The following SLC7A8 variants were observed in gnomAD, a reference collection of about 807,000 sequenced individuals.
SLC7A8 encodes solute carrier family 7 member 8.
In SLC7A8, 30 loss-of-function variants were observed where a neutral mutation model predicts 51.2. The ratio of observed to expected loss-of-function variants is 0.59; its 90% CI spans 0.44 to 0.80. The LOEUF (loss-of-function observed/expected upper bound fraction) is 0.80, where lower values mean the gene tolerates loss of function less well. Among genes scored for constraint, SLC7A8 ranks in the 30% least tolerant of loss-of-function variants. The probability of loss-of-function intolerance (pLI) is 0.00; values close to 1 mark genes in which losing one functional copy is unlikely to be tolerated. For synonymous variants in SLC7A8, 257 were observed against 275.8 expected, an observed-to-expected ratio of 0.93 and a Z score of 0.67; for missense variants, 612 against 674.4, an observed-to-expected ratio of 0.91 and a Z score of 1.03.
At position 23,165,580 on chromosome 14, in the gene SLC7A8, C is replaced by G. The variant is rs78386065; in HGVS notation, c.357-144G>C. 2.7e-6 allele frequency: 2 copies of G among 741,254 alleles called. No individual in the cohort carries two copies. Among genetic ancestry groups the G allele is most frequent in the East Asian group, 3.3e-5 (1 of 30,500 alleles). 45.9% of individuals were successfully genotyped at this position (741,254 alleles called of 1,614,324 possible). On this transcript the variant is annotated intron_variant, in intron 2 of 10. Coordinates refer to ENST00000316902, the MANE Select transcript of SLC7A8 (RefSeq NM_012244.4). This position sits in a 1 kb window ranked among gnomAD's most constrained non-coding sequence, Gnocchi z 4.2. ...TCTGCCCCCACCCACAAATGAGACA[C>G]CCAGCCCTCTGCAGTGACAATAAAA...
intron 3 of SLC7A8, among the ~76,000 whole-genome samples, chr14:23,146,385 C>G (rs1459402948): frequency 2.0e-5 from 3 of 152,080 alleles, no homozygotes; most frequent in Admixed American, 1.3e-4. Context: ...TCCTCCTCCC[C>G]CAAGCAGACC....
intron 5 of SLC7A8, 75 bp downstream of exon 5, chr14:23,140,396 A>T: frequency 6.8e-7 from 1 of 1,479,564 alleles, no homozygotes. Flanking sequence ...GGCAATGGAC[A>T]CCTGCTCCCT....
chr14:23,169,339 A>G (rs1208961689), intron 1 of SLC7A8, among the ~76,000 whole-genome samples: 1 of 152,166 alleles, frequency 6.6e-6, no homozygotes, highest in Non-Finnish European at 1.5e-5. Flanking sequence ...GTGACAGAGC[A>G]AGACCCTGTC....
intron 1 of SLC7A8, among the ~76,000 whole-genome samples, chr14:23,176,320 T>A (rs1024703898): frequency 2.0e-5 from 3 of 152,180 alleles, no homozygotes; most frequent in Admixed American, 2.0e-4. Context: ...ACCCTTAAAA[T>A]TTTTTCCCCC....
chr14:23,167,582 A>G (rs1594839037), intron 1 of SLC7A8, among the ~76,000 whole-genome samples: 1 of 152,058 alleles, frequency 6.6e-6, no homozygotes, highest in Non-Finnish European at 1.5e-5. Context: ...GACGAGGAGT[A>G]AGAGTGTGGA....
chr14:23,167,659 G>T (rs138126188), intron 1 of SLC7A8, among the ~76,000 whole-genome samples: 1 of 152,154 alleles, frequency 6.6e-6, no homozygotes, highest in East Asian at 1.9e-4. Context: ...AGAGGTCATC[G>T]GGGTCCATTG....
chr14:23,126,796 C>T lies in SLC7A8; in HGVS notation c.*381G>A. ...GAGCCTGTCCCCCCACAATGCAGCT[C>T]CTGTGGCCTCTCCTCTCTGAAGGGG... is the stretch of plus-strand genomic sequence containing the variant. On this transcript the variant is annotated 3_prime_UTR_variant, in exon 11 of 11. Transcript: ENST00000316902. The T allele has an allele frequency of 3.7e-6, 1 of 272,370 alleles. No individual in the cohort carries two copies. Among genetic ancestry groups the T allele is most frequent in the Non-Finnish European group, 7.2e-6 (1 of 139,058 alleles). 16.9% of individuals were successfully genotyped at this position (272,370 alleles called of 1,614,324 possible). A position where few individuals can be genotyped will look rare whatever the true frequency, so the allele number is the denominator to read the frequency against.
At chr14:23,131,661 C>T in intron 7 of SLC7A8, 104 bp from the exon 8 acceptor site, 1 of 775,748 alleles carries the variant, frequency 1.3e-6, no homozygotes, top group South Asian at 2.1e-5. Context: ...CATCCCCACT[C>T]CAACCAGGCA....
chr14:23,129,391 TAGGAAACAA>T (rs2048610382), intron 9 of SLC7A8: 2 of 434,932 alleles, frequency 4.6e-6, no homozygotes, highest in Non-Finnish European at 8.2e-6. Context: ...CTTAGACTGG[TAGGAAACAA>T]AGGAATGTCA....
rs145467931 is a variant in SLC7A8 at position 23,172,326 on chromosome 14, G to T, written c.152-5786C>A. On this transcript the variant is annotated intron_variant, in intron 1 of 10. Coordinates refer to ENST00000316902, the MANE Select transcript of SLC7A8 (RefSeq NM_012244.4). ...TCTGAGTCATTTGTCTGCTGGTCTA[G>T]GTGTAATTTGTAGATGCCGCAGGTG... 3.5e-4 allele frequency among the ~76,000 whole-genome samples: 53 copies of T among 152,322 alleles called. No individual in the cohort carries two copies. In the East Asian group the frequency reaches 7.1e-3, roughly 20 times the overall value.
At chr14:23,160,862 T>C (rs2048917477) in intron 3 of SLC7A8, among the ~76,000 whole-genome samples, 1 of 152,042 alleles carries the variant, frequency 6.6e-6, no homozygotes, top group African/African-American at 2.4e-5. Context: ...CCCAGTCCCC[T>C]CCTAACTCCC....
intron 1 of SLC7A8, among the ~76,000 whole-genome samples, chr14:23,176,187 A>AAATCTTC (rs1279234501): frequency 6.6e-6 from 1 of 152,234 alleles, no homozygotes; most frequent in Non-Finnish European, 1.5e-5. Flanking sequence ...CTAAAATGCA[A>AAATCTTC]AATCTTCTAA....
chr14:23,166,590 T>G, intron 1 of SLC7A8, 50 bp from the exon 2 acceptor site: 2 of 1,588,754 alleles, frequency 1.3e-6, no homozygotes. Flanking sequence ...GACAGGACGG[T>G]TGGCAGGATT....
At chr14:23,137,493 G>C (rs941883580) in intron 7 of SLC7A8, among the ~76,000 whole-genome samples, 4 of 152,318 alleles carry the variant, frequency 2.6e-5, no homozygotes, top group African/African-American at 9.6e-5. Flanking sequence ...AGAGGCCCCA[G>C]GCACAAGTCT....
intron 1 of SLC7A8, among the ~76,000 whole-genome samples, chr14:23,178,741 C>G (rs948247561): frequency 8.6e-5 from 13 of 150,924 alleles, no homozygotes; most frequent in Admixed American, 8.5e-4. Context: ...TAGGGAGACC[C>G]TGTCTCTAAA....
chr14:23,164,798 C>A (rs2048940584), intron 3 of SLC7A8, among the ~76,000 whole-genome samples: 1 of 151,818 alleles, frequency 6.6e-6, no homozygotes, highest in South Asian at 2.1e-4. Context: ...TCAAAACCAG[C>A]CTGGCCAACA....
chr14:23,169,180 C>G (rs970906043), intron 1 of SLC7A8, among the ~76,000 whole-genome samples: 1 of 152,066 alleles, frequency 6.6e-6, no homozygotes, highest in Admixed American at 6.6e-5. Flanking sequence ...GAGATCCTAT[C>G]TCTAACAAAA....
At chr14:23,177,937 T>A (rs1308681818) in intron 1 of SLC7A8, among the ~76,000 whole-genome samples, 2 of 152,150 alleles carry the variant, frequency 1.3e-5, no homozygotes, top group East Asian at 3.8e-4. Context: ...TAAAAGAAAA[T>A]ACTCCTTTAG....
At chr14:23,156,840 G>A (rs1257930643) in intron 3 of SLC7A8, among the ~76,000 whole-genome samples, 1 of 152,130 alleles carries the variant, frequency 6.6e-6, no homozygotes, top group Non-Finnish European at 1.5e-5. Context: ...CAGGGTGTGG[G>A]CACACACACT....
Sources: allele counts gnomAD v4.1 joint callset (sites outside exome capture counted in the v4.1 genomes callset), GRCh38; gene constraint gnomAD v4.1.1; non-coding constraint Gnocchi (gnomAD v3.1); transcripts MANE v1.5; gene names NCBI Gene and HGNC (gene_info 2026-07-23, HGNC 2026-07-21).